ST14: variants seen among roughly 807,000 people sequenced by gnomAD.
The protein encoded by ST14 is suppressor of tumorigenicity 14 protein.
Under a neutral mutation model 96.5 loss-of-function variants are expected in ST14, and 40 were observed. The observed-to-expected ratio is 0.41, with a 90% CI of 0.32 to 0.54. The LOEUF (loss-of-function observed/expected upper bound fraction) is 0.54, where lower values mean the gene tolerates loss of function less well. ST14 is among the 20% of genes least tolerant of loss of function. The probability of loss-of-function intolerance (pLI) is 0.17; values close to 1 mark genes in which losing one functional copy is unlikely to be tolerated. For missense variants in ST14, 1,066 were observed against 1,188.9 expected (o/e 0.90, Z 1.52); for synonymous variants, 506 against 492.1 (o/e 1.03, Z -0.37).
intron 7 of ST14, among the ~76,000 whole-genome samples, chr11:130,192,017 T>C (rs1213983947): frequency 3.9e-5 from 6 of 152,190 alleles, no homozygotes; most frequent in Non-Finnish European, 8.8e-5. Context: ...TCAAAGCACC[T>C]GCATTACAGA....
intron 16 of ST14, among the ~76,000 whole-genome samples, chr11:130,207,996 G>A (rs1591898489): frequency 6.6e-6 from 1 of 152,094 alleles, no homozygotes; most frequent in South Asian, 2.1e-4. Context: ...GCTTGAACTC[G>A]GGAGGTGGAG....
At chr11:130,174,456 C>T (rs1173340250) in intron 1 of ST14, among the ~76,000 whole-genome samples, 4 of 151,472 alleles carry the variant, frequency 2.6e-5, no homozygotes, top group African/African-American at 9.7e-5. Flanking sequence ...GACTCCAAAT[C>T]CAGTGTTGCT....
chr11:130,206,417 C>T (rs939712983), intron 16 of ST14, among the ~76,000 whole-genome samples: 1 of 152,150 alleles, frequency 6.6e-6, no homozygotes, highest in Non-Finnish European at 1.5e-5. Context: ...GTTCTCCAGC[C>T]GTACTTTGCC....
intron 16 of ST14, among the ~76,000 whole-genome samples, chr11:130,207,201 T>G (rs979870409): frequency 6.6e-6 from 1 of 152,254 alleles, no homozygotes; most frequent in Non-Finnish European, 1.5e-5. Flanking sequence ...GAAGGATATT[T>G]AGACACTAAG....
At chr11:130,169,089 T>C (rs1188439470) in intron 1 of ST14, among the ~76,000 whole-genome samples, 2 of 142,348 alleles carry the variant, frequency 1.4e-5, no homozygotes, top group Admixed American at 6.9e-5. Flanking sequence ...TATAATATAA[T>C]GGGTTTTTTT....
rs147508411 is a variant in ST14, at chr11:130,190,477, G to A, written c.658G>A (p.Ala220Thr). The A allele has an allele frequency of 4.1e-5, 66 of 1,607,342 alleles. No individual in the cohort carries two copies. Among genetic ancestry groups the A allele is most frequent in the Non-Finnish European group, 5.2e-5 (61 of 1,179,890 alleles). Residue 220 changes from alanine to threonine, a missense_variant, in exon 7 of 19, where the codon GCC becomes ACC. Transcript: ENST00000278742. ...QDNSCSFGLH[A>T]RGVELMRFTT... is the part of the protein sequence containing the mutation. ...AGACAGCTGCAGCTTTGGCCTGCAC[G>A]CCCGCGGTGTGGAGCTGATGCGCTT...
At chr11:130,172,917 A>T (rs1301891188) in intron 1 of ST14, among the ~76,000 whole-genome samples, 2 of 152,316 alleles carry the variant, frequency 1.3e-5, no homozygotes, top group African/African-American at 4.8e-5. Flanking sequence ...AGCCTCACGC[A>T]TCTGCAGTGG....
chr11:130,184,495 G>A (rs4479000), intron 1 of ST14, among the ~76,000 whole-genome samples: 4,063 of 152,250 alleles, frequency 0.027, 94 homozygotes, highest in East Asian at 0.15. Context: ...CATTCACTGA[G>A]CCCTTTGAAT....
At chr11:130,204,315 G>T (rs1953464490) in intron 16 of ST14, among the ~76,000 whole-genome samples, 1 of 152,224 alleles carries the variant, frequency 6.6e-6, no homozygotes, top group African/African-American at 2.4e-5. Context: ...GAAGGCCTGG[G>T]TGGGTCACAA....
chr11:130,162,222 C>A (rs1446197833), intron 1 of ST14, among the ~76,000 whole-genome samples: 1 of 152,180 alleles, frequency 6.6e-6, no homozygotes, highest in African/African-American at 2.4e-5. Context: ...CCCTGCCCCA[C>A]CCCTGCTGTT....
intron 7 of ST14, among the ~76,000 whole-genome samples, chr11:130,192,457 CGGCT>C (rs1953314100): frequency 6.6e-6 from 1 of 152,100 alleles, no homozygotes; most frequent in African/African-American, 2.4e-5. Context: ...GGCAAGATCT[CGGCT>C]CACCGCAACC....
chr11:130,209,400 C>A, intron 17 of ST14, 42 bp from the exon 18 acceptor site: 1 of 1,559,060 alleles, frequency 6.4e-7, no homozygotes, highest in Non-Finnish European at 8.7e-7. Context: ...ACGCTGCCCT[C>A]GAAGCAGCCC....
At chr11:130,162,065 C>T (rs1220653191) in intron 1 of ST14, among the ~76,000 whole-genome samples, 6 of 152,140 alleles carry the variant, frequency 3.9e-5, no homozygotes, top group South Asian at 2.1e-4. Flanking sequence ...TGGCTGCTGC[C>T]CCTGGGTTTA....
At chr11:130,193,804 G>C (rs1953329958) in intron 7 of ST14, among the ~76,000 whole-genome samples, 1 of 152,246 alleles carries the variant, frequency 6.6e-6, no homozygotes, top group Non-Finnish European at 1.5e-5. Context: ...AAGGTGAACT[G>C]TTTATCACTA....
At chr11:130,204,538 G>A (rs1348432727) in intron 16 of ST14, among the ~76,000 whole-genome samples, 2 of 152,116 alleles carry the variant, frequency 1.3e-5, no homozygotes, top group Non-Finnish European at 2.9e-5. Context: ...GGGGCCTGGC[G>A]CGGTGGCTCA....
intron 9 of ST14, among the ~76,000 whole-genome samples, chr11:130,195,844 C>T (rs1953355899): frequency 1.2e-5 from 1 of 83,206 alleles, no homozygotes; most frequent in Non-Finnish European, 2.3e-5. Context: ...CAGAGTGAGA[C>T]TTTGTCTCAA....
intron 4 of ST14, 107 bp from the exon 5 acceptor site, chr11:130,189,632 C>T (rs1330594758): frequency 4.8e-6 from 7 of 1,448,708 alleles, no homozygotes; most frequent in African/African-American, 2.8e-5. Flanking sequence ...CTGCAGATGG[C>T]AGGCCCAGGT....
At position 130,189,757 on chromosome 11, in the gene ST14, C is replaced by T; in HGVS notation, c.459C>T (p.Ala153=). ...TCCCCAGCGAGGGCAGCGTCATCGC[C>T]TACTACTGGTCTGAGTTCAGCATCC... ...VTAFSEGSVI[A]YYWSEFSIPQ... The change falls in exon 5 of 19, where the codon GCC becomes GCT. Residue 153 remains alanine, a synonymous_variant. Coordinates refer to ENST00000278742, the MANE Select transcript of ST14 (RefSeq NM_021978.4). 1 of 1,613,258 alleles carries T rather than the reference C, an allele frequency of 6.2e-7. No individual in the cohort carries two copies. The highest frequency in any genetic ancestry group is 8.5e-7 in the Non-Finnish European group (1 of 1,179,934).
At position 130,188,165 on chromosome 11, in the gene ST14, A is replaced by C. The variant is rs1293443966; in HGVS notation, c.133A>C (p.Lys45Gln). The C allele has an allele frequency of 2.5e-6, 4 of 1,614,054 alleles. No individual in the cohort carries two copies. The highest frequency in any genetic ancestry group is 2.7e-5 in the African/African-American group (2 of 74,912). ...GGAGTTCCTGCCAGTCAACAACGTCAAGAAGGTGGAAAAGCATGGCCCGGG... is the reference window on the plus strand; with the variant it reads ...GGAGTTCCTGCCAGTCAACAACGTCCAGAAGGTGGAAAAGCATGGCCCGGG... Reference protein sequence around the residue: ...GVEFLPVNNVKKVEKHGPGRW... With the variant: ...GVEFLPVNNVQKVEKHGPGRW... Residue 45 changes from lysine (K) to glutamine (Q), a missense_variant, in exon 2 of 19, where the codon AAG becomes CAG. By Grantham distance (53) the Lys-to-Gln change is moderately conservative. Transcript: ENST00000278742. This position sits in a 1 kb window ranked among gnomAD's most constrained non-coding sequence, Gnocchi z 5.4.
Sources: gnomAD v4.1 joint callset for allele counts (sites outside exome capture counted in the v4.1 genomes callset) on GRCh38, gnomAD v4.1.1 for gene constraint, Gnocchi (gnomAD v3.1) non-coding constraint, MANE v1.5 for transcripts, NCBI Gene and HGNC (gene_info 2026-07-23, HGNC 2026-07-21) for gene names.